TLR1: variants seen among roughly 807,000 people sequenced by gnomAD.
The protein encoded by TLR1 is toll like receptor 1.
A neutral mutation model predicts 20.2 loss-of-function variants in TLR1; 19 were observed. That is an observed-to-expected ratio of 0.94 (90% confidence interval 0.66 to 1.38). TLR1 has a LOEUF of 1.38. Ranked by LOEUF, TLR1 falls within the 40% of genes most tolerant of loss-of-function variation. The pLI is 0.00. For missense variants in TLR1, 921 were observed against 910.0 expected, an observed-to-expected ratio of 1.01 and a Z score of -0.16; for synonymous variants, 320 against 334.5, an observed-to-expected ratio of 0.96 and a Z score of 0.47.
At chr4:38,791,918 G>T (rs888460673), downstream of TLR1, among the ~76,000 whole-genome samples, 2 of 152,166 alleles carry the variant, frequency 1.3e-5, no homozygotes, top group African/African-American at 2.4e-5. Context: ...ACTAGAAGAA[G>T]GTGGAAGAAG....
At position 38,797,690 on chromosome 4, in the gene TLR1, AT is replaced by A; in HGVS notation, c.1141del (p.Met381Ter). 6.2e-7 allele frequency: 1 copy of A among 1,613,984 alleles called. No homozygotes were observed. Among genetic ancestry groups the A allele is most frequent in the Non-Finnish European group, 8.5e-7 (1 of 1,179,986 alleles). On this transcript the variant is annotated frameshift_variant, in exon 4 of 4. Transcript: ENST00000308979. LOFTEE classifies it high-confidence loss of function. ...LTELETLILQ[M>X]NQLKELSKIA... ...TTTTGAAAGTTCTTTTAATTGATTC[AT>A]TTGTAAAATAAGTGTCTCCAACTCA...
At position 38,798,343 on chromosome 4, in the gene TLR1, A is replaced by G. The variant is rs764605905; in HGVS notation, c.489T>C (p.Asn163=). 3 of 1,613,900 alleles carry G rather than the reference A, an allele frequency of 1.9e-6. No homozygotes were observed. The African/African-American group carries it at 4.0e-5, about 22-fold the overall frequency. ...KSSVLPIAHL[N]ISKVLLVLGE... Reference sequence around the variant, plus strand: ...CTAAGACCAGCAAGACCTTGCTGATATTCAAATGAGCAATTGGCAGCACAC... The same window carrying G: ...CTAAGACCAGCAAGACCTTGCTGATGTTCAAATGAGCAATTGGCAGCACAC... Residue 163 remains asparagine (N), a synonymous_variant, in exon 4 of 4, where the codon AAT becomes AAC. Coordinates refer to ENST00000308979, the MANE Select transcript of TLR1 (RefSeq NM_003263.4).
In TLR1 at chr4:38,796,510, T is replaced by G. The variant is rs1312121424; in HGVS notation, c.2322A>C (p.Ala774=). 6.2e-7 allele frequency: 1 copy of G among 1,613,214 alleles called. No individual in the cohort carries two copies. The highest frequency in any genetic ancestry group is 2.2e-5 in the East Asian group (1 of 44,858). The stretch of plus-strand genomic sequence containing the variant: ...GCTCTGTCAGCTTAATATTAATGGC[T>G]GCCCTTAAGTTAGCCCAAAAAAGGC... ...KRGLFWANLR[A]AINIKLTEQA... The change falls in exon 4 of 4, where the codon GCA becomes GCC. Residue 774 remains alanine (A), a synonymous_variant. Transcript: ENST00000308979.
downstream of TLR1, among the ~76,000 whole-genome samples, chr4:38,795,669 T>C (rs1725996919): frequency 6.6e-6 from 1 of 152,160 alleles, no homozygotes; most frequent in Non-Finnish European, 1.5e-5. Context: ...GAGACAAATA[T>C]TCAGTGGCAA....
In TLR1 at chr4:38,798,621, G is replaced by T. The variant is rs1726389197; in HGVS notation, c.211C>A (p.Leu71Met). Residue 71 changes from leucine to methionine, a missense_variant, in exon 4 of 4, where the codon CTG becomes ATG. Transcript: ENST00000308979. ...WTSDILSLSKLRILIISHNRI... is the reference protein window; with the variant it reads ...WTSDILSLSKMRILIISHNRI... ...TTATGAGAAATTATCAAAATCCTCAGTTTTGACAGTGATAAGATGTCAGAA... is the reference window on the plus strand; with the variant it reads ...TTATGAGAAATTATCAAAATCCTCATTTTTGACAGTGATAAGATGTCAGAA... The T allele has an allele frequency of 6.2e-7, 1 of 1,613,558 alleles. No individual in the cohort carries two copies. Among genetic ancestry groups the T allele is most frequent in the Non-Finnish European group, 8.5e-7 (1 of 1,179,690 alleles).
chr4:38,802,572 C>A (rs55917334), intron 2 of TLR1, among the ~76,000 whole-genome samples: 1 of 152,232 alleles, frequency 6.6e-6, no homozygotes, highest in South Asian at 2.1e-4. Flanking sequence ...ACGCAAGACT[C>A]CAGAAGCCTG....
chr4:38,801,144 T>A (rs1726613829), intron 2 of TLR1, among the ~76,000 whole-genome samples, 196 bp from the exon 3 acceptor site: 1 of 152,206 alleles, frequency 6.6e-6, no homozygotes, highest in Admixed American at 6.5e-5. Flanking sequence ...CCTGTGAAAT[T>A]CTTATGTTGA....
downstream of TLR1, among the ~76,000 whole-genome samples, chr4:38,789,797 GC>G (rs1171992262): frequency 1.3e-5 from 2 of 152,116 alleles, no homozygotes; most frequent in African/African-American, 4.8e-5. Context: ...CAATATTTTG[GC>G]AGAGATTTAT....
In TLR1 at chr4:38,797,194, C is replaced by T. The variant is rs780197874; in HGVS notation, c.1638G>A (p.Val546=). 1.2e-6 allele frequency: 2 copies of T among 1,614,238 alleles called. No homozygotes were observed. The highest frequency in any genetic ancestry group is 8.5e-7 in the Non-Finnish European group (1 of 1,180,044). ...VKNIDQVSSE[V]LEGWPDSYKC... is the part of the protein sequence containing the mutation. ...TATAAGAATCAGGCCAGCCCTCTAA[C>T]ACTTCACTTGATACTTGGTCTATAT... The change falls in exon 4 of 4, where the codon GTG becomes GTA. Residue 546 remains valine, a synonymous_variant. Coordinates refer to ENST00000308979, the MANE Select transcript of TLR1 (RefSeq NM_003263.4).
At chr4:38,800,692 T>A (rs541157527) in intron 3 of TLR1, 165 bp downstream of exon 3, 11 of 152,738 alleles carry the variant, frequency 7.2e-5, no homozygotes, top group African/African-American at 2.6e-4. Context: ...AGCAGGGCAT[T>A]AGTATCAGCA....
At chr4:38,794,044 C>G (rs1183721382), downstream of TLR1, among the ~76,000 whole-genome samples, 1 of 152,148 alleles carries the variant, frequency 6.6e-6, no homozygotes, top group Admixed American at 6.5e-5. Flanking sequence ...AGCAGCCAAC[C>G]CTGCCAACAC....
At chr4:38,791,452 T>C (rs1235849237), downstream of TLR1, among the ~76,000 whole-genome samples, 1 of 152,256 alleles carries the variant, frequency 6.6e-6, no homozygotes, top group African/African-American at 2.4e-5. Flanking sequence ...CTATTAGTTC[T>C]TGATATACAT....
chr4:38,800,134 A>C (rs1726535713), intron 3 of TLR1, among the ~76,000 whole-genome samples: 1 of 152,194 alleles, frequency 6.6e-6, no homozygotes, highest in Admixed American at 6.5e-5. Flanking sequence ...TGAGTAACCT[A>C]TGGGAAGATC....
At chr4:38,801,679 G>A (rs1034436567) in intron 2 of TLR1, among the ~76,000 whole-genome samples, 1 of 152,232 alleles carries the variant, frequency 6.6e-6, no homozygotes, top group Non-Finnish European at 1.5e-5. Flanking sequence ...ACAGGACCCC[G>A]TGCATGAGTG....
rs1282149191 is a variant in TLR1, at chr4:38,796,964, GC to G, written c.1867del (p.Ala623ProfsTer6). On this transcript the variant is annotated frameshift_variant, in exon 4 of 4. Transcript: ENST00000308979. LOFTEE classifies it high-confidence loss of function. Reference protein sequence around the residue: ...VCQWTQTRRRARNIPLEELQR... With the variant: ...VCQWTQTRRRXRNIPLEELQR... ...GAGTTCTTCTAAGGGTATGTTCCTG[GC>G]CCTGCGCCGGGTCTGGGTCCACTGG... is the stretch of plus-strand genomic sequence containing the variant. 6.2e-7 allele frequency: 1 copy of G among 1,614,000 alleles called. No individual in the cohort carries two copies. The highest frequency in any genetic ancestry group is 8.5e-7 in the Non-Finnish European group (1 of 1,180,038).
downstream of TLR1, among the ~76,000 whole-genome samples, chr4:38,788,569 G>C (rs948375547): frequency 1.3e-5 from 2 of 152,152 alleles, no homozygotes; most frequent in African/African-American, 4.8e-5. Context: ...TGCTTACTAA[G>C]ATATATTTCA....
downstream of TLR1, among the ~76,000 whole-genome samples, chr4:38,789,233 C>T (rs1725663778): frequency 6.6e-6 from 1 of 152,140 alleles, no homozygotes; most frequent in Admixed American, 6.5e-5. Context: ...TTGAAATCAA[C>T]CATGGTAGGA....
chr4:38,801,338 G>A (rs921075545), intron 2 of TLR1, among the ~76,000 whole-genome samples: 1 of 152,176 alleles, frequency 6.6e-6, no homozygotes, highest in Admixed American at 6.5e-5. Context: ...GAGGGCCTTC[G>A]CCAGAACCCA....
chr4:38,791,309 C>A (rs1310513253), downstream of TLR1: 1 of 152,170 alleles, frequency 6.6e-6, no homozygotes, highest in East Asian at 1.9e-4. Context: ...AATGAGAAAT[C>A]TTGGGGACAC....
Sources: allele counts gnomAD v4.1 joint callset (sites outside exome capture counted in the v4.1 genomes callset), GRCh38; gene constraint gnomAD v4.1.1; transcripts MANE v1.5; gene names NCBI Gene and HGNC (gene_info 2026-07-23, HGNC 2026-07-21).